Variants in CFAP206 observed in about 807,000 individuals in gnomAD.
CFAP206 encodes the protein cilia and flagella associated protein 206, also known as cilia- and flagella-associated protein 206.
CFAP206 carries 53 observed loss-of-function variants against 65.4 expected under a neutral mutation model. That is an observed-to-expected ratio of 0.81 (90% CI 0.65 to 1.02). The LOEUF is 1.02. Ranked by LOEUF, CFAP206 falls within the 50% of genes least tolerant of loss-of-function variation. The pLI, the probability that CFAP206 is intolerant of heterozygous loss-of-function variation, is 0.00. For synonymous variants in CFAP206, 250 were observed against 254.4 expected (o/e 0.98, Z 0.17); for missense variants, 663 against 753.2 (o/e 0.88, Z 1.40).
At chr6:87,434,372 G>A (rs1206081480) in intron 10 of CFAP206, among the ~76,000 whole-genome samples, 1 of 149,394 alleles carries the variant, frequency 6.7e-6, no homozygotes, top group Non-Finnish European at 1.5e-5. Flanking sequence ...CTCCAGCCAG[G>A]TTGATAAGAC....
intron 3 of CFAP206, among the ~76,000 whole-genome samples, chr6:87,412,217 A>G (rs1767746474): frequency 1.3e-5 from 2 of 152,170 alleles, no homozygotes; most frequent in South Asian, 4.1e-4. Flanking sequence ...TGGATGAGCT[A>G]TTTTTTTAAG....
intron 1 of CFAP206, among the ~76,000 whole-genome samples, 163 bp from the exon 2 acceptor site, chr6:87,409,672 A>T (rs955605594): frequency 6.6e-6 from 1 of 152,178 alleles, no homozygotes; most frequent in Non-Finnish European, 1.5e-5. Context: ...ATTTTTAAAA[A>T]TAATGAAAAA....
chr6:87,448,285 G>C (rs989355462), intron 11 of CFAP206, among the ~76,000 whole-genome samples: 17 of 152,082 alleles, frequency 1.1e-4, no homozygotes, highest in Non-Finnish European at 2.4e-4. Context: ...CTCCCAATTA[G>C]CTGGGACTAC....
chr6:87,433,442 T>C (rs1355903517), intron 10 of CFAP206, among the ~76,000 whole-genome samples: 2 of 152,212 alleles, frequency 1.3e-5, no homozygotes, highest in Non-Finnish European at 2.9e-5. Context: ...GATATTTAAT[T>C]ATCTATAGTC....
At chr6:87,423,143 T>G (rs1767975397) in intron 7 of CFAP206, among the ~76,000 whole-genome samples, 1 of 152,194 alleles carries the variant, frequency 6.6e-6, no homozygotes, top group Non-Finnish European at 1.5e-5. Context: ...GGTCTCGAAC[T>G]CCTGGCCTCA....
In CFAP206 at chr6:87,418,197, C is replaced by T; in HGVS notation, c.632-11C>T. The T allele has an allele frequency of 6.2e-7, 1 of 1,613,808 alleles. No homozygotes were observed. The highest frequency in any genetic ancestry group is 8.5e-7 in the Non-Finnish European group (1 of 1,179,828). ...TCCTTTATGGCTGCCTTTTCATACT[C>T]TTACAAACAGTGCCAGCTGTTCTCC... On this transcript the variant is annotated splice_polypyrimidine_tract_variant and intron_variant, in intron 6 of 12. Transcript: ENST00000369562.
At chr6:87,455,354 T>C (rs1220607075) in intron 11 of CFAP206, among the ~76,000 whole-genome samples, 1 of 152,000 alleles carries the variant, frequency 6.6e-6, no homozygotes, top group Non-Finnish European at 1.5e-5. Flanking sequence ...ACAAAAGCAG[T>C]AGTAAGAGAG....
At chr6:87,443,873 G>A (rs935765180) in intron 11 of CFAP206, among the ~76,000 whole-genome samples, 6 of 152,088 alleles carry the variant, frequency 3.9e-5, no homozygotes, top group African/African-American at 1.2e-4. Context: ...AGAACATGTG[G>A]TATTTGGTTT....
At chr6:87,443,828 A>G (rs927090500) in intron 11 of CFAP206, among the ~76,000 whole-genome samples, 1 of 152,062 alleles carries the variant, frequency 6.6e-6, no homozygotes, top group South Asian at 2.1e-4. Context: ...CTTGATGTCC[A>G]TGAGTACCCA....
At chr6:87,453,472 C>T (rs1031138892) in intron 11 of CFAP206, among the ~76,000 whole-genome samples, 2 of 152,002 alleles carry the variant, frequency 1.3e-5, no homozygotes, top group African/African-American at 2.4e-5. Flanking sequence ...ATTCATATCT[C>T]GAGTAGGAAG....
chr6:87,435,078 A>G, intron 11 of CFAP206, 25 bp downstream of exon 11: 1 of 1,460,234 alleles, frequency 6.8e-7, no homozygotes, highest in Non-Finnish European at 9.4e-7. Context: ...TATTTTATGA[A>G]TTTATGACAT....
chr6:87,418,533 T>G, intron 7 of CFAP206, 117 bp downstream of exon 7: 2 of 789,098 alleles, frequency 2.5e-6, no homozygotes, highest in Non-Finnish European at 4.1e-6. Context: ...CTGCTCGGTT[T>G]ATATTGCTTT....
intron 11 of CFAP206, chr6:87,444,897 C>T (rs986957686): frequency 3.7e-6 from 2 of 541,790 alleles, no homozygotes; most frequent in Non-Finnish European, 7.3e-6. Flanking sequence ...GTGAAAAGCG[C>T]TTGTAAGGCT....
intron 7 of CFAP206, among the ~76,000 whole-genome samples, chr6:87,421,292 C>T (rs1767936025): frequency 6.6e-6 from 1 of 152,140 alleles, no homozygotes; most frequent in Non-Finnish European, 1.5e-5. Context: ...TCGAGACCAG[C>T]CTGGCCAACA....
chr6:87,463,060 T>C (rs374394001), intron 12 of CFAP206, among the ~76,000 whole-genome samples: 1 of 152,222 alleles, frequency 6.6e-6, no homozygotes, highest in South Asian at 2.1e-4. Flanking sequence ...TTGAATCGGA[T>C]TGGGTAAGGA....
At position 87,426,577 on chromosome 6, in the gene CFAP206, G is replaced by A. The variant is rs1332475525; in HGVS notation, c.892G>A (p.Gly298Arg). The A allele has an allele frequency of 1.9e-6, 3 of 1,601,794 alleles. No homozygotes were observed. The highest frequency in any genetic ancestry group is 2.7e-5 in the African/African-American group (2 of 74,620). The change falls in exon 8 of 13, where the codon GGA (glycine) becomes AGA (arginine). Residue 298 changes from glycine (G) to arginine (R), a missense_variant. Coordinates refer to ENST00000369562, the MANE Select transcript of CFAP206 (RefSeq NM_001031743.3). ...AGTGGAAATGATGACAAAACAGTTAGGAGCCCATCTGGAACAACTAAAAAT... is the reference window on the plus strand; with the variant it reads ...AGTGGAAATGATGACAAAACAGTTAAGAGCCCATCTGGAACAACTAAAAAT... ...QEVEMMTKQL[G>R]AHLEQLKMTI...
chr6:87,426,449 C>G, intron 7 of CFAP206, 77 bp from the exon 8 acceptor site: 1 of 1,061,026 alleles, frequency 9.4e-7, no homozygotes, highest in Admixed American at 3.0e-5. Flanking sequence ...ATGTGGGGAG[C>G]AGGTATGGTC....
chr6:87,414,478 AG>A (rs886266018), intron 4 of CFAP206, among the ~76,000 whole-genome samples: 1 of 152,040 alleles, frequency 6.6e-6, no homozygotes, highest in African/African-American at 2.4e-5. Flanking sequence ...TTGTATTCTT[AG>A]TAGAGACGGG....
Position 87,409,946 on chromosome 6 carries a change from T to G in CFAP206, c.107T>G (p.Met36Arg). 1 of 1,595,120 alleles carries G rather than the reference T, an allele frequency of 6.3e-7. No individual in the cohort carries two copies. The highest frequency in any genetic ancestry group is 1.7e-5 in the Admixed American group (1 of 58,340). The change falls in exon 2 of 13, where the codon ATG (methionine) becomes AGG (arginine). Residue 36 changes from methionine (M) to arginine (R), a missense_variant and splice_region_variant. Transcript: ENST00000369562. ...EIVSETLIAF[M>R]VKAVVLDPSN... ...GTTTCTGAAACTCTGATTGCTTTTA[T>G]GGTAAGAAGAAATATTTTTGTGATT...
Sources: gnomAD v4.1 joint callset for allele counts (sites outside exome capture counted in the v4.1 genomes callset) on GRCh38, gnomAD v4.1.1 for gene constraint, MANE v1.5 for transcripts, NCBI Gene and HGNC (gene_info 2026-07-23, HGNC 2026-07-21) for gene names.